The following MRTFA variants were observed in gnomAD, a reference collection of about 807,000 sequenced individuals.
MRTFA encodes the protein myocardin-related transcription factor A.
MRTFA carries 20 observed loss-of-function variants against 83.5 expected under a neutral mutation model. The observed-to-expected ratio is 0.24, with a 90% CI of 0.17 to 0.35. MRTFA has a LOEUF of 0.35. Ranked by LOEUF, MRTFA falls within the 10% of genes least tolerant of loss-of-function variation. The pLI is 1.00. For synonymous variants in MRTFA, 659 were observed against 541.2 expected (o/e 1.22, Z -3.02); for missense variants, 1,200 against 1,224.7 (o/e 0.98, Z 0.30).
chr22:40,486,286 G>A (rs1300164505), intron 3 of MRTFA, among the ~76,000 whole-genome samples: 1 of 152,158 alleles, frequency 6.6e-6, no homozygotes, highest in African/African-American at 2.4e-5. Flanking sequence ...CTGCAAGCCC[G>A]AACAGGAAAT....
intron 3 of MRTFA, chr22:40,463,499 G>C (rs1392047244): frequency 3.9e-6 from 2 of 509,314 alleles, no homozygotes; most frequent in Non-Finnish European, 7.1e-6. Flanking sequence ...AGTTGCGAAG[G>C]GTCTTGCAGG....
At chr22:40,427,789 G>A (rs1191655537) in intron 7 of MRTFA, among the ~76,000 whole-genome samples, 6 of 152,192 alleles carry the variant, frequency 3.9e-5, no homozygotes, top group African/African-American at 1.4e-4. Context: ...GATTGGGCCA[G>A]TCACCAGAGA....
intron 3 of MRTFA, among the ~76,000 whole-genome samples, chr22:40,509,316 T>C (rs1408194186): frequency 6.6e-6 from 1 of 152,248 alleles, no homozygotes; most frequent in Non-Finnish European, 1.5e-5. Context: ...TGGGCAAATA[T>C]CTTGTTTGTG....
Position 40,613,728 on chromosome 22 carries a change from G to A in MRTFA, c.-83-18993C>T, listed in dbSNP as rs148216349. Among the ~76,000 whole-genome samples the A allele has an allele frequency of 3.3e-4, 50 of 151,996 alleles. No homozygotes were observed. In the East Asian group the frequency reaches 9.7e-3, roughly 29 times the overall value. On this transcript the variant is annotated intron_variant, in intron 1 of 14. Transcript: ENST00000355630. The stretch of plus-strand genomic sequence containing the variant: ...ATTTTTCCAGCCTGGCTGACATGGT[G>A]AAACCCCATCTCTACCAAAAAATAC...
At chr22:40,412,536 T>A (rs2052581301) in intron 14 of MRTFA, 1 of 152,244 alleles carries the variant, frequency 6.6e-6, no homozygotes, top group Non-Finnish European at 1.5e-5. Flanking sequence ...CAGGTGTTGA[T>A]AAGTGCATTC....
At chr22:40,516,198 C>T (rs2147249969) in intron 3 of MRTFA, among the ~76,000 whole-genome samples, 1 of 152,090 alleles carries the variant, frequency 6.6e-6, no homozygotes, top group South Asian at 2.1e-4. Flanking sequence ...GTGGGTGGAT[C>T]ACTTGAGGTC....
At chr22:40,562,866 A>G (rs958063217) in intron 2 of MRTFA, among the ~76,000 whole-genome samples, 1 of 152,096 alleles carries the variant, frequency 6.6e-6, no homozygotes, top group African/African-American at 2.4e-5. Context: ...CTAGGTATCT[A>G]TAGAGTTCTC....
At chr22:40,526,191 T>C (rs2054969298) in intron 3 of MRTFA, 1 of 151,918 alleles carries the variant, frequency 6.6e-6, no homozygotes, top group Non-Finnish European at 1.5e-5. Context: ...AATTTGTTGT[T>C]GTTGTTGTTG....
chr22:40,586,897 CTG>C, intron 2 of MRTFA: 1 of 433,212 alleles, frequency 2.3e-6, no homozygotes, highest in South Asian at 1.7e-5. Context: ...GCTGCTGGTG[CTG>C]CTGGTGCTGC....
chr22:40,480,903 C>G (rs1012695703), intron 3 of MRTFA, among the ~76,000 whole-genome samples: 7 of 151,998 alleles, frequency 4.6e-5, no homozygotes, highest in African/African-American at 1.5e-4. Context: ...CATGAGCCAA[C>G]ATGCCCGGCC....
intron 4 of MRTFA, among the ~76,000 whole-genome samples, chr22:40,446,111 TA>T (rs1168264457): frequency 6.6e-6 from 1 of 152,200 alleles, no homozygotes; most frequent in Non-Finnish European, 1.5e-5. Context: ...GTGATGGTGC[TA>T]AAAGTTTGAA....
intron 2 of MRTFA, chr22:40,569,951 T>C (rs2055764967): frequency 6.5e-6 from 1 of 153,022 alleles, no homozygotes; most frequent in African/African-American, 2.4e-5. Flanking sequence ...AAGAAGAACC[T>C]GGGTATATGG....
chr22:40,549,900 T>A (rs2055418887), intron 3 of MRTFA, among the ~76,000 whole-genome samples: 2 of 152,024 alleles, frequency 1.3e-5, no homozygotes, highest in Admixed American at 1.3e-4. Context: ...AATACAAAAA[T>A]TAGCCATTCA....
chr22:40,475,845 A>G (rs139790618), intron 3 of MRTFA, among the ~76,000 whole-genome samples: 3 of 152,342 alleles, frequency 2.0e-5, no homozygotes, highest in African/African-American at 7.2e-5. Context: ...GCACTAGGGT[A>G]CATAAAAATG....
At chr22:40,442,805 T>C (rs1261098330) in intron 4 of MRTFA, among the ~76,000 whole-genome samples, 1 of 152,098 alleles carries the variant, frequency 6.6e-6, no homozygotes, top group Admixed American at 6.5e-5. Flanking sequence ...AGTGGGGAGA[T>C]AGCTGAGGCT....
At chr22:40,418,240 C>A (rs1309571691) in intron 12 of MRTFA, 134 bp downstream of exon 12, 1 of 1,465,050 alleles carries the variant, frequency 6.8e-7, no homozygotes, top group Non-Finnish European at 9.0e-7. Flanking sequence ...TCAGTACCCC[C>A]CTGGTGAAGG....
At chr22:40,447,727 C>T (rs1349442983) in intron 4 of MRTFA, among the ~76,000 whole-genome samples, 1 of 152,184 alleles carries the variant, frequency 6.6e-6, no homozygotes, top group Non-Finnish European at 1.5e-5. Context: ...TAGAAATTAC[C>T]TCACTTCAGC....
intron 7 of MRTFA, among the ~76,000 whole-genome samples, chr22:40,424,668 G>C (rs930017087): frequency 6.6e-6 from 1 of 152,178 alleles, no homozygotes; most frequent in Middle Eastern, 3.2e-3. Flanking sequence ...ACTCTATACT[G>C]TGTTTAGTCT....
chr22:40,549,123 G>A (rs1487851193), intron 3 of MRTFA, among the ~76,000 whole-genome samples: 1 of 151,964 alleles, frequency 6.6e-6, no homozygotes, highest in Non-Finnish European at 1.5e-5. Flanking sequence ...GGAGTGTAGT[G>A]GTGCAATCAT....
Sources: allele counts gnomAD v4.1 joint callset (sites outside exome capture counted in the v4.1 genomes callset), GRCh38; gene constraint gnomAD v4.1.1; transcripts MANE v1.5; gene names NCBI Gene and HGNC (gene_info 2026-07-23, HGNC 2026-07-21).